ZRANB3: variants seen among roughly 807,000 people sequenced by gnomAD.
The protein encoded by ZRANB3 is zinc finger RANBP2-type containing 3, also known as DNA annealing helicase and endonuclease ZRANB3.
Under a neutral mutation model 133.8 loss-of-function variants are expected in ZRANB3, and 125 were observed. That is an observed-to-expected ratio of 0.93 (90% CI 0.81 to 1.08). The LOEUF (loss-of-function observed/expected upper bound fraction) is 1.08. ZRANB3 is among the 50% of genes least tolerant of loss of function. The pLI, the probability that ZRANB3 is intolerant of heterozygous loss-of-function variation, is 0.00. For synonymous variants in ZRANB3, 387 were observed against 432.7 expected (o/e 0.89, Z 1.31); for missense variants, 1,229 against 1,275.5 (o/e 0.96, Z 0.56).
chr2:135,425,266 G>A (rs754447777), intron 2 of ZRANB3, among the ~76,000 whole-genome samples: 1 of 152,110 alleles, frequency 6.6e-6, no homozygotes, highest in South Asian at 2.1e-4. Flanking sequence ...CAATAGCTAC[G>A]CAGCATACCC....
chr2:135,201,255 G>T lies in ZRANB3; in HGVS notation c.3142-815C>A, dbSNP rs1031628561. On this transcript the variant is annotated intron_variant, in intron 20 of 20. Coordinates refer to ENST00000264159, the MANE Select transcript of ZRANB3 (RefSeq NM_032143.4). ...TTGGCTATTTCTTAATTCTCTTATA[G>T]GTCTTGAATTTGCTAATAACTTGCA... Among the ~76,000 whole-genome samples, 12 of 152,096 alleles carry T rather than the reference G, an allele frequency of 7.9e-5. No individual in the cohort carries two copies. In the East Asian group the frequency reaches 1.3e-3, roughly 17 times the overall value.
At chr2:135,210,800 G>T (rs774307068) in intron 17 of ZRANB3, among the ~76,000 whole-genome samples, 1 of 152,022 alleles carries the variant, frequency 6.6e-6, no homozygotes, top group South Asian at 2.1e-4. Flanking sequence ...TTTAAAATTC[G>T]CATTCCTATT....
intron 3 of ZRANB3, among the ~76,000 whole-genome samples, chr2:135,382,111 G>A (rs191518535): frequency 6.6e-6 from 1 of 152,014 alleles, no homozygotes; most frequent in Non-Finnish European, 1.5e-5. Context: ...ATTAGACGAA[G>A]GGCTAACTAG....
rs569540091 is a variant in ZRANB3 at position 135,340,021 on chromosome 2, T to A, written c.677+5529A>T. ...GAATTCCTCTATGTTTTATTTAGGG[T>A]TTTATTTAATAATGTTTAAATATTT... On this transcript the variant is annotated intron_variant, in intron 6 of 20. Transcript: ENST00000264159. Among the ~76,000 whole-genome samples the A allele has an allele frequency of 3.3e-5, 5 of 152,192 alleles. No individual in the cohort carries two copies. In the South Asian group the frequency reaches 6.2e-4, roughly 19 times the overall value.
intron 14 of ZRANB3, among the ~76,000 whole-genome samples, chr2:135,226,682 GAA>G (rs1387420264): frequency 6.6e-6 from 1 of 152,194 alleles, no homozygotes; most frequent in Non-Finnish European, 1.5e-5. Context: ...TGCCATAGAT[GAA>G]GAGACTCATA....
intron 2 of ZRANB3, among the ~76,000 whole-genome samples, chr2:135,415,801 A>C (rs1688541461): frequency 6.6e-6 from 1 of 152,240 alleles, no homozygotes. Flanking sequence ...GGTTGGTTCA[A>C]TATACACAAA....
rs950764292 is a variant in ZRANB3 at position 135,432,082 on chromosome 2, C to G, written c.162-41262G>C. Reference sequence around the variant, plus strand: ...CCTGACCAACATGGAGAAACCCTGTCTCTGCTAAAAATACAAAATTAGCCG... The same window carrying G: ...CCTGACCAACATGGAGAAACCCTGTGTCTGCTAAAAATACAAAATTAGCCG... On this transcript the variant is annotated intron_variant, in intron 2 of 20. Coordinates refer to ENST00000264159, the MANE Select transcript of ZRANB3 (RefSeq NM_032143.4). Among the ~76,000 whole-genome samples the G allele has an allele frequency of 2.6e-5, 4 of 152,082 alleles. No homozygotes were observed. In the East Asian group the frequency reaches 7.7e-4, roughly 29 times the overall value.
chr2:135,471,887 A>G (rs553817398), intron 2 of ZRANB3, among the ~76,000 whole-genome samples: 2 of 152,352 alleles, frequency 1.3e-5, no homozygotes, highest in South Asian at 4.1e-4. Flanking sequence ...GTCTTTGGAA[A>G]TTATTATATT....
chr2:135,300,866 G>C (rs1682391950), intron 8 of ZRANB3, among the ~76,000 whole-genome samples: 1 of 152,106 alleles, frequency 6.6e-6, no homozygotes, highest in African/African-American at 2.4e-5. Flanking sequence ...TTCCTCTAAA[G>C]CCCAAATCTG....
At chr2:135,455,161 CCTT>C (rs1453404103) in intron 2 of ZRANB3, among the ~76,000 whole-genome samples, 1 of 134,036 alleles carries the variant, frequency 7.5e-6, no homozygotes, top group Admixed American at 8.1e-5. Flanking sequence ...GATCACAATG[CCTT>C]CTTATACTTT....
At chr2:135,439,903 A>G (rs1388933786) in intron 2 of ZRANB3, among the ~76,000 whole-genome samples, 2 of 152,206 alleles carry the variant, frequency 1.3e-5, no homozygotes, top group African/African-American at 2.4e-5. Context: ...CACAACTTCT[A>G]TCACCTGTAC....
At chr2:135,414,426 C>T (rs1688457751) in intron 2 of ZRANB3, among the ~76,000 whole-genome samples, 1 of 152,122 alleles carries the variant, frequency 6.6e-6, no homozygotes, top group Non-Finnish European at 1.5e-5. Context: ...TATATGCACC[C>T]AATACAGGAG....
intron 8 of ZRANB3, among the ~76,000 whole-genome samples, chr2:135,307,351 C>T (rs907375906): frequency 6.6e-6 from 1 of 152,206 alleles, no homozygotes; most frequent in Non-Finnish European, 1.5e-5. Flanking sequence ...CAGGTGTAAG[C>T]CACCACACCC....
At chr2:135,287,501 T>C (rs941980327) in intron 8 of ZRANB3, among the ~76,000 whole-genome samples, 4 of 152,174 alleles carry the variant, frequency 2.6e-5, no homozygotes, top group Non-Finnish European at 5.9e-5. Flanking sequence ...AATTTGTTGA[T>C]TGCTTTTGGC....
At chr2:135,265,827 T>C in intron 11 of ZRANB3, 141 bp from the exon 12 acceptor site, 1 of 911,028 alleles carries the variant, frequency 1.1e-6, no homozygotes. Flanking sequence ...GCTTTAGTAA[T>C]ATAATTATCT....
At chr2:135,346,864 T>A (rs1288709973) in intron 5 of ZRANB3, among the ~76,000 whole-genome samples, 1 of 152,226 alleles carries the variant, frequency 6.6e-6, no homozygotes, top group East Asian at 1.9e-4. Flanking sequence ...TTCACATAGT[T>A]GTGCATCAAT....
chr2:135,480,062 T>C (rs1210381063), intron 2 of ZRANB3, among the ~76,000 whole-genome samples: 1 of 151,538 alleles, frequency 6.6e-6, no homozygotes, highest in African/African-American at 2.4e-5. Flanking sequence ...GCCTCCAAGG[T>C]AGCTGGGACT....
chr2:135,220,157 C>A (rs1449529298), intron 15 of ZRANB3, among the ~76,000 whole-genome samples: 1 of 151,884 alleles, frequency 6.6e-6, no homozygotes, highest in Non-Finnish European at 1.5e-5. Context: ...CTCCCGCCTC[C>A]GCCTCCCAAA....
chr2:135,496,653 C>T (rs1692687092), intron 2 of ZRANB3, among the ~76,000 whole-genome samples: 2 of 152,026 alleles, frequency 1.3e-5, no homozygotes, highest in African/African-American at 2.4e-5. Context: ...GAGCTGAACT[C>T]GATATTCTAG....
Sources: gnomAD v4.1 joint callset for allele counts (sites outside exome capture counted in the v4.1 genomes callset) on GRCh38, gnomAD v4.1.1 for gene constraint, MANE v1.5 for transcripts, NCBI Gene and HGNC (gene_info 2026-07-23, HGNC 2026-07-21) for gene names.